RNF19A: variants seen among roughly 807,000 people sequenced by gnomAD.
The protein encoded by RNF19A is E3 ubiquitin-protein ligase RNF19A.
Under a neutral mutation model 75.7 loss-of-function variants are expected in RNF19A, and 32 were observed. That is an observed-to-expected ratio of 0.42 (90% CI 0.32 to 0.57). RNF19A has a LOEUF of 0.57. Ranked by LOEUF, RNF19A falls within the 20% of genes least tolerant of loss-of-function variation. The probability of loss-of-function intolerance (pLI) is 0.10; values close to 1 mark genes in which losing one functional copy is unlikely to be tolerated. For missense variants in RNF19A, 782 were observed against 1,036.3 expected (o/e 0.75, Z 3.37); for synonymous variants, 335 against 345.2 (o/e 0.97, Z 0.33).
At chr8:100,274,258 A>C (rs1019975354) in intron 3 of RNF19A, among the ~76,000 whole-genome samples, 2 of 152,138 alleles carry the variant, frequency 1.3e-5, no homozygotes, top group Non-Finnish European at 2.9e-5. Context: ...GAGGAGAGGA[A>C]TATCATTTCC....
At chr8:100,265,934 C>T (rs1337205481) in intron 5 of RNF19A, among the ~76,000 whole-genome samples, 1 of 152,196 alleles carries the variant, frequency 6.6e-6, no homozygotes, top group Non-Finnish European at 1.5e-5. Context: ...TTCAGCACTG[C>T]AGCTAATTCC....
At chr8:100,313,902 C>CTTTTTTTTTTTTTTTTTT (rs371385291), upstream of RNF19A, among the ~76,000 whole-genome samples, 9 of 132,606 alleles carry the variant, frequency 6.8e-5, no homozygotes, top group Non-Finnish European at 9.5e-5. Context: ...AAGAGAACTA[C>CTTTTTTTTTTTTTTTTTT]TTTTTTTTTG....
intron 1 of RNF19A, among the ~76,000 whole-genome samples, chr8:100,290,157 C>G (rs548413613): frequency 9.9e-5 from 15 of 152,234 alleles, no homozygotes; most frequent in South Asian, 4.1e-4. Context: ...GTCTGTTGCC[C>G]AGGCTGGAGT....
At chr8:100,309,660 C>G (rs756874270) in intron 1 of RNF19A, 9 of 927,884 alleles carry the variant, frequency 9.7e-6, no homozygotes, top group African/African-American at 8.9e-5. Flanking sequence ...CGGAGCTGAC[C>G]GAGGCCTGAC....
chr8:100,310,751 TTTTA>T (rs757056157), upstream of RNF19A, among the ~76,000 whole-genome samples: 13 of 117,234 alleles, frequency 1.1e-4, no homozygotes, highest in Non-Finnish European at 1.9e-4. Context: ...CATTCATCTC[TTTTA>T]TTTCATTTTT....
At position 100,269,045 on chromosome 8, in the gene RNF19A, CAT is replaced by C; in HGVS notation, c.1029-100_1029-99del. On this transcript the variant is annotated intron_variant, in intron 4 of 9. Coordinates refer to ENST00000341084, the MANE Select transcript of RNF19A (RefSeq NM_183419.4). The surrounding 1 kb of genome is among the most constrained non-coding windows in gnomAD (Gnocchi z 5.7). ...ACAATGACTATTTTTAAAAACTTCT[CAT>C]AGTTAGGAGCTTTTTTCCCCTTTAA... is the stretch of plus-strand genomic sequence containing the variant. The C allele has an allele frequency of 2.2e-6, 2 of 901,236 alleles. No homozygotes were observed. The highest frequency in any genetic ancestry group is 1.6e-6 in the Non-Finnish European group (1 of 638,900). The allele number at this position is 901,236 out of a possible 1,614,324, so 55.8% of individuals were successfully genotyped here. A position where few individuals can be genotyped will look rare whatever the true frequency, so the allele number is the denominator to read the frequency against.
chr8:100,311,025 G>A (rs532911301), upstream of RNF19A, among the ~76,000 whole-genome samples: 3 of 152,330 alleles, frequency 2.0e-5, no homozygotes, highest in South Asian at 6.2e-4. Flanking sequence ...AAACGAATGT[G>A]ATAGAGGCTG....
chr8:100,304,299 G>A (rs1278182790), intron 1 of RNF19A, among the ~76,000 whole-genome samples: 2 of 152,106 alleles, frequency 1.3e-5, no homozygotes, highest in African/African-American at 4.8e-5. Context: ...GCTATAAGGA[G>A]AAATCTATTT....
At chr8:100,268,737 TA>T (rs1349559009) in intron 5 of RNF19A, 47 bp downstream of exon 5, 1 of 966,984 alleles carries the variant, frequency 1.0e-6, no homozygotes, top group South Asian at 2.3e-5. Context: ...AGAATACACC[TA>T]AAGATTTAGA....
chr8:100,309,971 A>T (rs1586691274), upstream of RNF19A: 1 of 985,246 alleles, frequency 1.0e-6, no homozygotes, highest in East Asian at 1.1e-4. Context: ...GGTCCCTCCG[A>T]TGCGCCGAGG....
rs759829810 is a variant in RNF19A, at chr8:100,264,786, C to T, written c.1192-1G>A. 6.2e-7 allele frequency: 1 copy of T among 1,607,088 alleles called. No homozygotes were observed. The highest frequency in any genetic ancestry group is 1.1e-5 in the South Asian group (1 of 90,668). On this transcript the variant is annotated splice_acceptor_variant, in intron 5 of 9. Transcript: ENST00000341084. LOFTEE classifies it high-confidence loss of function. The surrounding 1 kb of genome is among the most constrained non-coding windows in gnomAD (Gnocchi z 4.7). ...CCTTGCCTTCATAGCGATTGTGAAT[C>T]TTGAATTAATAAAAATAGGGGTGGG...
chr8:100,323,206 T>G lies in RNF19A; in HGVS notation c.-242-9834A>C, dbSNP rs774652364. Among the ~76,000 whole-genome samples, 7 of 152,206 alleles carry G rather than the reference T, an allele frequency of 4.6e-5. No individual in the cohort carries two copies. The highest frequency in any genetic ancestry group is 1.0e-4 in the Non-Finnish European group (7 of 68,044). ...TACCCAGAGTGTTATTTTAAGATGATGGGATATAGGACTCAATGGTTTTTA... is the reference window on the plus strand; with the variant it reads ...TACCCAGAGTGTTATTTTAAGATGAGGGGATATAGGACTCAATGGTTTTTA... On this transcript the variant is annotated intron_variant, in intron 1 of 3. Coordinates refer to the RNF19A transcript ENST00000519527. This position sits in a 1 kb window ranked among gnomAD's most constrained non-coding sequence, Gnocchi z 4.6.
At chr8:100,279,619 C>A (rs1042366629) in intron 2 of RNF19A, among the ~76,000 whole-genome samples, 1 of 152,160 alleles carries the variant, frequency 6.6e-6, no homozygotes, top group South Asian at 2.1e-4. Flanking sequence ...GTGGCACAAT[C>A]TTGGCTCGCT....
intron 2 of RNF19A, among the ~76,000 whole-genome samples, chr8:100,278,010 A>C (rs1166444971): frequency 6.6e-6 from 1 of 152,264 alleles, no homozygotes; most frequent in Non-Finnish European, 1.5e-5. Context: ...CAATTTACAA[A>C]GGCAGCAAAG....
chr8:100,314,208 T>C (rs1293533769), upstream of RNF19A, among the ~76,000 whole-genome samples: 2 of 152,056 alleles, frequency 1.3e-5, no homozygotes, highest in African/African-American at 4.8e-5. The surrounding 1 kb of genome is among the most constrained non-coding windows in gnomAD (Gnocchi z 4.1). Flanking sequence ...GCATACATAC[T>C]ATATATACTA....
intron 1 of RNF19A, among the ~76,000 whole-genome samples, chr8:100,316,164 G>A (rs771789169): frequency 4.6e-5 from 7 of 151,612 alleles, no homozygotes; most frequent in Non-Finnish European, 1.0e-4. Flanking sequence ...CAGCTCTTAA[G>A]ACGGCGTGTC....
At position 100,258,432 on chromosome 8, in the gene RNF19A, G is replaced by T; in HGVS notation, c.*124C>A. On this transcript the variant is annotated 3_prime_UTR_variant, in exon 10 of 10. Coordinates refer to ENST00000341084, the MANE Select transcript of RNF19A (RefSeq NM_183419.4). The surrounding 1 kb of genome is among the most constrained non-coding windows in gnomAD (Gnocchi z 4.3). The stretch of plus-strand genomic sequence containing the variant: ...CAATGCCTTGCTGAACACAGAAAAT[G>T]TATCTGCATTATGATAATGAAACCC... The T allele has an allele frequency of 1.4e-6, 1 of 731,396 alleles. No individual in the cohort carries two copies. The highest frequency in any genetic ancestry group is 2.3e-6 in the Non-Finnish European group (1 of 443,018). The allele number at this position is 731,396 out of a possible 1,614,324, so 45.3% of individuals were successfully genotyped here.
chr8:100,288,125 C>T lies in RNF19A; in HGVS notation c.50G>A (p.Cys17Tyr), dbSNP rs1821117450. The T allele has an allele frequency of 1.2e-6, 2 of 1,613,420 alleles. No individual in the cohort carries two copies. Among genetic ancestry groups the T allele is most frequent in the South Asian group, 1.1e-5 (1 of 90,858 alleles). Residue 17 changes from cysteine (C) to tyrosine (Y), a missense_variant, in exon 2 of 10, where the codon TGT becomes TAT. Cys to Tyr is a radical substitution (Grantham distance 194, BLOSUM62 -2). Coordinates refer to ENST00000341084, the MANE Select transcript of RNF19A (RefSeq NM_183419.4). Reference sequence around the variant, plus strand: ...AATTGAGACAGGGTCAGTGTTTACACACAGCCCTTCATTATATTTAGAGAT... The same window carrying T: ...AATTGAGACAGGGTCAGTGTTTACATACAGCCCTTCATTATATTTAGAGAT... The part of the protein sequence containing the change: ...GFISKYNEGL[C>Y]VNTDPVSILT...
chr8:100,290,143 CTG>C (rs749926309), intron 1 of RNF19A, among the ~76,000 whole-genome samples: 2 of 152,148 alleles, frequency 1.3e-5, no homozygotes, highest in African/African-American at 2.4e-5. Flanking sequence ...GAGACACAGT[CTG>C]TGTCTGTTGC....
Sources: gnomAD v4.1 joint callset for allele counts (sites outside exome capture counted in the v4.1 genomes callset) on GRCh38, gnomAD v4.1.1 for gene constraint, Gnocchi (gnomAD v3.1) non-coding constraint, MANE v1.5 for transcripts, NCBI Gene and HGNC (gene_info 2026-07-23, HGNC 2026-07-21) for gene names.